The following ERO1B variants were observed in gnomAD, a reference collection of about 807,000 sequenced individuals.
ERO1B encodes ERO1-like protein beta.
In ERO1B, 49 loss-of-function variants were observed where a neutral mutation model predicts 75.3. The observed-to-expected ratio is 0.65, with a 90% CI of 0.52 to 0.83. ERO1B has a LOEUF of 0.83. Ranked by LOEUF, ERO1B falls within the 40% of genes least tolerant of loss-of-function variation. The pLI is 0.00. For missense variants in ERO1B, 512 were observed against 560.1 expected (o/e 0.91, Z 0.87); for synonymous variants, 191 against 192.9 (o/e 0.99, Z 0.08).
At chr1:236,239,911 A>ATATTTTTTTTTTT (rs1553371310) in intron 6 of ERO1B, among the ~76,000 whole-genome samples, 1 of 106,964 alleles carries the variant, frequency 9.3e-6, no homozygotes, top group African/African-American at 4.1e-5. Flanking sequence ...ATATATATAT[A>ATATTTTTTTTTTT]TTTTTTTTTT....
chr1:236,232,148 G>C (rs1664424917), intron 9 of ERO1B, among the ~76,000 whole-genome samples: 1 of 152,126 alleles, frequency 6.6e-6, no homozygotes, highest in African/African-American at 2.4e-5. Context: ...CCTCTAAGGA[G>C]CTATATATAT....
At chr1:236,225,256 T>C (rs1664251945) in intron 12 of ERO1B, 117 bp from the exon 13 acceptor site, 2 of 964,826 alleles carry the variant, frequency 2.1e-6, no homozygotes, top group East Asian at 5.2e-5. Flanking sequence ...TTTACTCCGA[T>C]GTAAGTTTTG....
chr1:236,245,338 A>G (rs1338095383), intron 5 of ERO1B, among the ~76,000 whole-genome samples: 5 of 31,912 alleles, frequency 1.6e-4, no homozygotes, highest in African/African-American at 2.8e-4. Flanking sequence ...ACGTATATAT[A>G]TACGTATATA....
intron 2 of ERO1B, among the ~76,000 whole-genome samples, chr1:236,255,407 G>A (rs892607920): frequency 9.2e-5 from 14 of 151,974 alleles, no homozygotes; most frequent in Non-Finnish European, 1.9e-4. Flanking sequence ...CTACCCCAAC[G>A]TACTGTTTTA....
chr1:236,272,573 G>A (rs1267590959), intron 1 of ERO1B, among the ~76,000 whole-genome samples: 5 of 151,956 alleles, frequency 3.3e-5, no homozygotes, highest in African/African-American at 4.8e-5. Context: ...GAAAGAGGGG[G>A]ACAAGAGCTG....
chr1:236,220,687 A>C, intron 15 of ERO1B, 145 bp downstream of exon 15: 9 of 649,682 alleles, frequency 1.4e-5, no homozygotes, highest in South Asian at 4.7e-5. Flanking sequence ...TGTCAGCATT[A>C]AGGCCTCTCT....
intron 4 of ERO1B, among the ~76,000 whole-genome samples, chr1:236,250,715 T>C (rs923338010): frequency 2.0e-5 from 3 of 146,600 alleles, no homozygotes; most frequent in Non-Finnish European, 3.0e-5. Context: ...CATATATATA[T>C]ACATACGTAC....
intron 1 of ERO1B, among the ~76,000 whole-genome samples, chr1:236,281,244 G>A (rs1665821929): frequency 6.6e-6 from 1 of 152,100 alleles, no homozygotes; most frequent in Non-Finnish European, 1.5e-5. Flanking sequence ...GGGCCTCGGG[G>A]GTCTGCGGAG....
chr1:236,249,025 CTTTTT>C (rs11367113), intron 5 of ERO1B, among the ~76,000 whole-genome samples: 4 of 118,148 alleles, frequency 3.4e-5, no homozygotes, highest in Admixed American at 2.6e-4. Flanking sequence ...AAATACAAAT[CTTTTT>C]TTTTTTTTTT....
chr1:236,225,178 A>G (rs1664250113), intron 12 of ERO1B, 39 bp from the exon 13 acceptor site: 3 of 1,578,776 alleles, frequency 1.9e-6, no homozygotes, highest in Non-Finnish European at 2.6e-6. Context: ...TACACATGAA[A>G]AATCCACGTA....
intron 6 of ERO1B, among the ~76,000 whole-genome samples, chr1:236,239,877 A>ATATGTATGTGTG: frequency 1.0e-5 from 1 of 96,028 alleles, no homozygotes; most frequent in East Asian, 5.7e-4. Context: ...ATATGTGTAT[A>ATATGTATGTGTG]TGTGTGTGTG....
Position 236,217,308 on chromosome 1 carries a change from T to C in ERO1B, c.*1208A>G, listed in dbSNP as rs1381572882. On this transcript the variant is annotated 3_prime_UTR_variant, in exon 16 of 16. Coordinates refer to ENST00000354619, the MANE Select transcript of ERO1B (RefSeq NM_019891.4). Reference sequence around the variant, plus strand: ...TAAAAAAAATCAAGATTTTAAATATTGTCTAAAGATTTTAAATCCCAGATT... The same window carrying C: ...TAAAAAAAATCAAGATTTTAAATATCGTCTAAAGATTTTAAATCCCAGATT... The C allele has an allele frequency of 1.3e-5, 2 of 152,148 alleles. No homozygotes were observed. Among genetic ancestry groups the C allele is most frequent in the East Asian group, 1.9e-4 (1 of 5,198 alleles). The allele number at this position is 152,148 out of a possible 1,614,324, so 9.4% of individuals were successfully genotyped here.
intron 13 of ERO1B, 62 bp downstream of exon 13, chr1:236,225,007 AC>A (rs1664243015): frequency 7.1e-7 from 1 of 1,418,034 alleles, no homozygotes; most frequent in Non-Finnish European, 1.0e-6. Context: ...GTTTGGATGC[AC>A]AGCATTAAAG....
intron 10 of ERO1B, 121 bp downstream of exon 10, chr1:236,230,099 ATTTT>A: frequency 1.4e-6 from 1 of 710,734 alleles, no homozygotes; most frequent in Non-Finnish European, 2.4e-6. Flanking sequence ...CCTAAAACAC[ATTTT>A]TTTTTTCAAA....
At chr1:236,229,451 A>T (rs1022255001) in intron 10 of ERO1B, among the ~76,000 whole-genome samples, 1 of 152,094 alleles carries the variant, frequency 6.6e-6, no homozygotes, top group Non-Finnish European at 1.5e-5. Flanking sequence ...TAATATTCAT[A>T]AGATAACATG....
intron 4 of ERO1B, chr1:236,251,434 C>G (rs1665026597): frequency 2.1e-6 from 2 of 948,282 alleles, no homozygotes; most frequent in Non-Finnish European, 2.5e-6. Flanking sequence ...AGATCTGAAG[C>G]AAAAATAAAT....
At chr1:236,224,671 A>C (rs1021893363) in intron 13 of ERO1B, among the ~76,000 whole-genome samples, 1 of 152,182 alleles carries the variant, frequency 6.6e-6, no homozygotes, top group Non-Finnish European at 1.5e-5. Context: ...ACAAAAACAT[A>C]ATATATGTTT....
chr1:236,268,684 A>G (rs545016018), intron 2 of ERO1B, among the ~76,000 whole-genome samples: 9 of 150,934 alleles, frequency 6.0e-5, no homozygotes, highest in African/African-American at 1.9e-4. Flanking sequence ...CAGGAGATCA[A>G]GACCATCCTG....
Position 236,281,925 on chromosome 1 carries a change from G to A in ERO1B, c.-142C>T, listed in dbSNP as rs879725893. 5 of 470,844 alleles carry A rather than the reference G, an allele frequency of 1.1e-5. No individual in the cohort carries two copies. The highest frequency in any genetic ancestry group is 1.7e-5 in the Non-Finnish European group (5 of 290,428). 29.2% of individuals were successfully genotyped at this position (470,844 alleles called of 1,614,324 possible). A position where few individuals can be genotyped will look rare whatever the true frequency, so the allele number is the denominator to read the frequency against. ...GGTCTGCACTCCAGTCCGGAGGCAG[G>A]CGACTCTTTCCCCAACACCCGGCAG... On this transcript the variant is annotated 5_prime_UTR_variant, in exon 1 of 16. Transcript: ENST00000354619.
Sources: gnomAD v4.1 joint callset for allele counts (sites outside exome capture counted in the v4.1 genomes callset) on GRCh38, gnomAD v4.1.1 for gene constraint, MANE v1.5 for transcripts, NCBI Gene and HGNC (gene_info 2026-07-23, HGNC 2026-07-21) for gene names.